PROCA1: variants seen among roughly 807,000 people sequenced by gnomAD.
PROCA1 encodes the protein protein PROCA1.
Under a neutral mutation model 23.2 loss-of-function variants are expected in PROCA1, and 22 were observed. That is an observed-to-expected ratio of 0.95 (90% CI 0.68 to 1.35). The LOEUF (loss-of-function observed/expected upper bound fraction) is 1.35, where lower values mean the gene tolerates loss of function less well. PROCA1 is among the 40% of genes most tolerant of loss of function. The pLI, the probability that PROCA1 is intolerant of heterozygous loss-of-function variation, is 0.00. For synonymous variants in PROCA1, 182 were observed against 179.2 expected, an observed-to-expected ratio of 1.02 and a Z score of -0.12; for missense variants, 469 against 459.8, an observed-to-expected ratio of 1.02 and a Z score of -0.18.
At chr17:28,705,304 C>T (rs1465333002) in intron 2 of PROCA1, 1 of 159,458 alleles carries the variant, frequency 6.3e-6, no homozygotes, top group Admixed American at 6.1e-5. Context: ...TGGCCAGGAG[C>T]TAAGGCCTGC....
intron 1 of PROCA1, chr17:28,710,978 T>TGGGAAGGGAGGGAAGGAGGCGGGC (rs2032752093): frequency 3.4e-6 from 1 of 294,126 alleles, no homozygotes; most frequent in Non-Finnish European, 4.8e-6. Flanking sequence ...AGGAGTAGGG[T>TGGGAAGGGAGGGAAGGAGGCGGGC]GGGAAGGGAG....
At chr17:28,711,440 A>G in intron 1 of PROCA1, 130 bp downstream of exon 1, 1 of 736,274 alleles carries the variant, frequency 1.4e-6, no homozygotes, top group East Asian at 3.2e-5. Flanking sequence ...GCCCCGGCCC[A>G]GCACTGGGCC....
intron 1 of PROCA1, among the ~76,000 whole-genome samples, chr17:28,709,871 C>CCTG (rs1420122483): frequency 6.6e-6 from 1 of 151,882 alleles, no homozygotes; most frequent in Non-Finnish European, 1.5e-5. Flanking sequence ...GTGGCACATA[C>CCTG]CTGTAGTCCC....
intron 1 of PROCA1, chr17:28,707,298 C>G (rs1597736687): frequency 6.4e-6 from 1 of 156,576 alleles, no homozygotes; most frequent in East Asian, 1.8e-4. Context: ...AGCTTTATCC[C>G]TTGAGGCACT....
chr17:28,707,130 A>T (rs1376208416), intron 1 of PROCA1: 3 of 260,444 alleles, frequency 1.2e-5, no homozygotes, highest in African/African-American at 4.4e-5. Flanking sequence ...GGAGCCAGCC[A>T]GGGTCTAGGC....
chr17:28,710,482 G>A (rs1320709271), intron 1 of PROCA1, among the ~76,000 whole-genome samples: 2 of 149,506 alleles, frequency 1.3e-5, no homozygotes, highest in African/African-American at 5.0e-5. Flanking sequence ...ACTCCAGCCT[G>A]GGCGACAGAG....
At chr17:28,709,409 C>A (rs2032675880) in intron 1 of PROCA1, among the ~76,000 whole-genome samples, 1 of 152,016 alleles carries the variant, frequency 6.6e-6, no homozygotes, top group Admixed American at 6.5e-5. Flanking sequence ...ACGCCCACCA[C>A]CATGCCCGGC....
chr17:28,703,597 CTTGTT>C lies in PROCA1; in HGVS notation c.1051_1055del (p.Asn351GlufsTer?). 1 of 1,614,178 alleles carries C rather than the reference CTTGTT, an allele frequency of 6.2e-7. No individual in the cohort carries two copies. The highest frequency in any genetic ancestry group is 1.7e-5 in the Admixed American group (1 of 60,014). On this transcript the variant is annotated frameshift_variant, in exon 5 of 5. Coordinates refer to ENST00000682792, the MANE Select transcript of PROCA1 (RefSeq NM_001366301.1). LOFTEE classifies it high-confidence loss of function. ...GGTTTGATCCTGGGGGAGATTTTCTCTTGTTTACCTTCCTGGCTTGTGAGGGCTTT... is the reference window on the plus strand; with the variant it reads ...GGTTTGATCCTGGGGGAGATTTTCTCTACCTTCCTGGCTTGTGAGGGCTTT...
intron 1 of PROCA1, among the ~76,000 whole-genome samples, chr17:28,709,573 C>A (rs918074650): frequency 2.0e-5 from 3 of 146,686 alleles, no homozygotes; most frequent in Non-Finnish European, 4.5e-5. Context: ...AGCCTTAAAA[C>A]CACATTCTGC....
chr17:28,710,358 A>T (rs1438583521), intron 1 of PROCA1, among the ~76,000 whole-genome samples: 1 of 151,764 alleles, frequency 6.6e-6, no homozygotes, highest in Non-Finnish European at 1.5e-5. Context: ...AATAAAAAAA[A>T]TAGCTGGGCG....
chr17:28,711,414 CCCCGG>C, intron 1 of PROCA1, 151 bp downstream of exon 1: 1 of 612,448 alleles, frequency 1.6e-6, no homozygotes, highest in Non-Finnish European at 2.5e-6. Flanking sequence ...CCTAGCTCCG[CCCCGG>C]CCCTAGCTCC....
intron 1 of PROCA1, among the ~76,000 whole-genome samples, chr17:28,708,247 A>G (rs1320609463): frequency 1.3e-5 from 2 of 152,062 alleles, no homozygotes. Context: ...TGACCTTGTG[A>G]TCCGCCCTCG....
intron 1 of PROCA1, 96 bp downstream of exon 1, chr17:28,711,474 G>A: frequency 2.9e-6 from 3 of 1,023,608 alleles, no homozygotes; most frequent in Non-Finnish European, 1.4e-6. Flanking sequence ...TGGTTTGCCC[G>A]TCTCCCTCGT....
chr17:28,704,304 C>T lies in PROCA1; in HGVS notation c.440+3G>A, dbSNP rs1453781946. The T allele has an allele frequency of 2.5e-6, 4 of 1,610,686 alleles. No homozygotes were observed. The highest frequency in any genetic ancestry group is 8.5e-7 in the Non-Finnish European group (1 of 1,178,118). On this transcript the variant is annotated splice_donor_region_variant and intron_variant, in intron 4 of 4. Coordinates refer to ENST00000682792, the MANE Select transcript of PROCA1 (RefSeq NM_001366301.1). ...CCCCATCAGCCCACCGGGGCTCACTCACCAGCCATACCGGAATCGCTCCAC... is the reference window on the plus strand; with the variant it reads ...CCCCATCAGCCCACCGGGGCTCACTTACCAGCCATACCGGAATCGCTCCAC...
Position 28,704,338 on chromosome 17 carries a change from C to T in PROCA1, c.409G>A (p.Glu137Lys), listed in dbSNP as rs765286083. The part of the protein sequence containing the change: ...ESPCFELTPE[E>K]EHVERFRYGW... Reference sequence around the variant, plus strand: ...TACCGGAATCGCTCCACATGCTCCTCCTCCGGTGTGAGCTCAAAGCAAGGG... The same window carrying T: ...TACCGGAATCGCTCCACATGCTCCTTCTCCGGTGTGAGCTCAAAGCAAGGG... Residue 137 changes from glutamate (E) to lysine (K), a missense_variant, in exon 4 of 5, where the codon GAG becomes AAG. Glu to Lys is a moderately conservative substitution (Grantham distance 56). Transcript: ENST00000682792. 1.6e-5 allele frequency: 26 copies of T among 1,613,970 alleles called. No individual in the cohort carries two copies. Among genetic ancestry groups the T allele is most frequent in the Admixed American group, 6.7e-5 (4 of 59,980 alleles).
At chr17:28,709,282 GTC>G (rs992291205) in intron 1 of PROCA1, among the ~76,000 whole-genome samples, 1 of 151,880 alleles carries the variant, frequency 6.6e-6, no homozygotes, top group Non-Finnish European at 1.5e-5. Context: ...TTTTGAGAGA[GTC>G]TGGCTGTGTC....
Position 28,707,085 on chromosome 17 carries a change from C to T in PROCA1, c.92-322G>A, listed in dbSNP as rs536484573. 4.2e-5 allele frequency: 13 copies of T among 308,408 alleles called. No individual in the cohort carries two copies. In the Admixed American group the frequency reaches 4.3e-4, roughly 10 times the overall value. The allele number at this position is 308,408 out of a possible 1,614,324, so 19.1% of individuals were successfully genotyped here. ...GAGGACTGGGGACTATGGAAGACTT[C>T]TTGGAAGGAGCATCACTAGAGTTAG... On this transcript the variant is annotated intron_variant, in intron 1 of 4. Transcript: ENST00000682792.
In PROCA1 at chr17:28,711,762, C is replaced by T. The variant is rs1412513681; in HGVS notation, c.-102G>A. 4.0e-6 allele frequency: 4 copies of T among 998,960 alleles called. No homozygotes were observed. The highest frequency in any genetic ancestry group is 5.6e-6 in the Non-Finnish European group (4 of 709,056). The allele number at this position is 998,960 out of a possible 1,614,324, so 61.9% of individuals were successfully genotyped here. The stretch of plus-strand genomic sequence containing the variant: ...TCGGCCCAGCCGTGAACTCCAGTCT[C>T]GGCTTCGCCCCCGCCTAGCCCCTAA... On this transcript the variant is annotated 5_prime_UTR_variant, in exon 1 of 5. Transcript: ENST00000682792.
At position 28,703,597 on chromosome 17, in the gene PROCA1, C is replaced by T; in HGVS notation, c.1056G>A (p.Lys352=). 1.2e-6 allele frequency: 2 copies of T among 1,614,178 alleles called. No individual in the cohort carries two copies. The highest frequency in any genetic ancestry group is 2.2e-5 in the South Asian group (2 of 91,080). ...AKPSQARKVN[K]RKSPPGSNPN... ...GGTTTGATCCTGGGGGAGATTTTCT[C>T]TTGTTTACCTTCCTGGCTTGTGAGG... is the stretch of plus-strand genomic sequence containing the variant. Residue 352 remains lysine (K), a synonymous_variant, in exon 5 of 5, where the codon AAG becomes AAA. Coordinates refer to ENST00000682792, the MANE Select transcript of PROCA1 (RefSeq NM_001366301.1).
Sources: gnomAD v4.1 joint callset for allele counts (sites outside exome capture counted in the v4.1 genomes callset) on GRCh38, gnomAD v4.1.1 for gene constraint, MANE v1.5 for transcripts, NCBI Gene and HGNC (gene_info 2026-07-23, HGNC 2026-07-21) for gene names.